RABGAP1L: variants seen among roughly 807,000 people sequenced by gnomAD.
RABGAP1L encodes the protein RAB GTPase activating protein 1 like.
Under a neutral mutation model 137.7 loss-of-function variants are expected in RABGAP1L, and 63 were observed. The observed-to-expected ratio is 0.46, with a 90% CI of 0.37 to 0.56. RABGAP1L has a LOEUF of 0.56. RABGAP1L is among the 20% of genes least tolerant of loss of function. RABGAP1L has a pLI of 0.00. For synonymous variants in RABGAP1L, 431 were observed against 433.7 expected (o/e 0.99, Z 0.08); for missense variants, 1,095 against 1,244.0 (o/e 0.88, Z 1.80).
intron 13 of RABGAP1L, among the ~76,000 whole-genome samples, chr1:174,411,681 G>A (rs1649943098): frequency 6.6e-6 from 1 of 151,982 alleles, no homozygotes; most frequent in Admixed American, 6.6e-5. Flanking sequence ...GATTGATGCT[G>A]ACTCTGATTT....
At chr1:174,292,616 C>T (rs1676738493) in intron 10 of RABGAP1L, among the ~76,000 whole-genome samples, 1 of 151,604 alleles carries the variant, frequency 6.6e-6, no homozygotes, top group South Asian at 2.1e-4. Context: ...ACAGAGTATA[C>T]TCTATATGAT....
chr1:174,793,592 T>C (rs1205095744), intron 18 of RABGAP1L, among the ~76,000 whole-genome samples: 1 of 152,220 alleles, frequency 6.6e-6, no homozygotes, highest in African/African-American at 2.4e-5. Flanking sequence ...CTCATTACAT[T>C]TCATTTTAGC....
At chr1:174,635,166 G>T (rs1053351350) in intron 13 of RABGAP1L, among the ~76,000 whole-genome samples, 2 of 151,768 alleles carry the variant, frequency 1.3e-5, no homozygotes, top group African/African-American at 4.8e-5. Context: ...CAGACTATTG[G>T]AACCATTTAA....
At chr1:174,617,764 C>T (rs1435652554) in intron 13 of RABGAP1L, among the ~76,000 whole-genome samples, 1 of 152,182 alleles carries the variant, frequency 6.6e-6, no homozygotes, top group African/African-American at 2.4e-5. Flanking sequence ...CAAATAGGAA[C>T]AGCTCCAGTC....
intron 19 of RABGAP1L, among the ~76,000 whole-genome samples, chr1:174,842,915 C>G (rs1462728611): frequency 6.6e-6 from 1 of 151,990 alleles, no homozygotes; most frequent in Non-Finnish European, 1.5e-5. Flanking sequence ...AGAAATGTTA[C>G]TTTTTCGAAA....
At chr1:174,207,512 C>A (rs183776171) in intron 1 of RABGAP1L, among the ~76,000 whole-genome samples, 9 of 152,304 alleles carry the variant, frequency 5.9e-5, no homozygotes, top group Admixed American at 3.3e-4. Flanking sequence ...CTGGATTCTT[C>A]TGGAAATCAC....
At chr1:174,859,552 G>A (rs1443533894) in intron 19 of RABGAP1L, among the ~76,000 whole-genome samples, 1 of 151,392 alleles carries the variant, frequency 6.6e-6, no homozygotes, top group Non-Finnish European at 1.5e-5. Context: ...ATGAGATTGT[G>A]TCCTTTGCAG....
intron 11 of RABGAP1L, among the ~76,000 whole-genome samples, chr1:174,342,433 A>G (rs1682054395): frequency 6.6e-6 from 1 of 152,178 alleles, no homozygotes; most frequent in African/African-American, 2.4e-5. Flanking sequence ...TCTCTGTACT[A>G]ATCTTAGTTT....
At chr1:174,339,569 A>G (rs1426464061) in intron 11 of RABGAP1L, among the ~76,000 whole-genome samples, 1 of 152,144 alleles carries the variant, frequency 6.6e-6, no homozygotes, top group Non-Finnish European at 1.5e-5. Context: ...AGGAAGGATT[A>G]GTCTTCAGTG....
At chr1:174,499,853 T>G (rs6425283) in intron 13 of RABGAP1L, among the ~76,000 whole-genome samples, 4 of 151,934 alleles carry the variant, frequency 2.6e-5, no homozygotes, top group African/African-American at 9.7e-5. Flanking sequence ...TGTTTTCAAT[T>G]TCTGTTCCTG....
At chr1:174,503,419 T>C (rs1031144854) in intron 13 of RABGAP1L, among the ~76,000 whole-genome samples, 8 of 152,076 alleles carry the variant, frequency 5.3e-5, no homozygotes, top group Non-Finnish European at 1.5e-5. Flanking sequence ...CCCAGCACTT[T>C]GGGAGGTCAA....
intron 13 of RABGAP1L, among the ~76,000 whole-genome samples, chr1:174,429,874 A>C (rs1229350248): frequency 6.6e-6 from 1 of 152,206 alleles, no homozygotes; most frequent in African/African-American, 2.4e-5. Flanking sequence ...AGCCATTTCC[A>C]GCCAAGTTAG....
At chr1:174,963,773 G>T (rs1669377409) in intron 20 of RABGAP1L, among the ~76,000 whole-genome samples, 2 of 151,934 alleles carry the variant, frequency 1.3e-5, no homozygotes, top group South Asian at 4.2e-4. Flanking sequence ...GGCTGGTTTT[G>T]TATGACATTT....
At chr1:174,797,890 T>C (rs2148815641) in intron 18 of RABGAP1L, among the ~76,000 whole-genome samples, 1 of 152,268 alleles carries the variant, frequency 6.6e-6, no homozygotes, top group Non-Finnish European at 1.5e-5. Context: ...ATATACGTAA[T>C]ATTCTATGCT....
intron 13 of RABGAP1L, among the ~76,000 whole-genome samples, chr1:174,614,088 G>A (rs1671546102): frequency 1.3e-5 from 2 of 152,104 alleles, no homozygotes; most frequent in Non-Finnish European, 2.9e-5. Context: ...GTGTGAATTT[G>A]ATCCTGTCAT....
chr1:174,721,858 A>G (rs991350286), intron 17 of RABGAP1L, among the ~76,000 whole-genome samples: 1 of 152,190 alleles, frequency 6.6e-6, no homozygotes, highest in Non-Finnish European at 1.5e-5. Context: ...TCCTTTTTCT[A>G]AATTATCAAA....
chr1:174,432,616 C>A (rs1250630104), intron 13 of RABGAP1L, among the ~76,000 whole-genome samples: 1 of 152,144 alleles, frequency 6.6e-6, no homozygotes, highest in Non-Finnish European at 1.5e-5. Context: ...CAGCTGACTG[C>A]AACCTCTGCC....
chr1:174,528,740 G>A (rs1483606961), intron 13 of RABGAP1L, among the ~76,000 whole-genome samples: 1 of 151,592 alleles, frequency 6.6e-6, no homozygotes, highest in East Asian at 1.9e-4. Flanking sequence ...TCCTGTATCT[G>A]GATTTCTAAA....
chr1:174,751,083 T>A (rs1457700788), intron 17 of RABGAP1L, among the ~76,000 whole-genome samples: 1 of 152,198 alleles, frequency 6.6e-6, no homozygotes, highest in Non-Finnish European at 1.5e-5. Context: ...CATTTGTTTT[T>A]ATCTCCTGGC....
Sources: allele counts gnomAD v4.1 joint callset (sites outside exome capture counted in the v4.1 genomes callset), GRCh38; gene constraint gnomAD v4.1.1; transcripts MANE v1.5; gene names NCBI Gene and HGNC (gene_info 2026-07-23, HGNC 2026-07-21).